RORB: variants seen among roughly 807,000 people sequenced by gnomAD.
RORB encodes RAR related orphan receptor B.
In RORB, 6 loss-of-function variants were observed where a neutral mutation model predicts 59.1. That is an observed-to-expected ratio of 0.10 (90% confidence interval 0.06 to 0.20). The LOEUF is 0.20. Ranked by LOEUF, RORB falls within the 10% of genes least tolerant of loss-of-function variation. RORB has a pLI of 1.00. For missense variants in RORB, 320 were observed against 560.5 expected (o/e 0.57, Z 4.33); for synonymous variants, 215 against 204.5 (o/e 1.05, Z -0.44).
rs1186298908 is a variant in RORB, at chr9:74,571,797, C to T, written c.8-58485C>T. On this transcript the variant is annotated intron_variant, in intron 1 of 9. Transcript: ENST00000376896. ...CAGATGTTAAATATAGCCCTGTTCT[C>T]GTAGAGGAAAGGCAAGGTTGCAAGG... 3.9e-5 allele frequency among the ~76,000 whole-genome samples: 6 copies of T among 152,066 alleles called. No individual in the cohort carries two copies. The East Asian group carries it at 1.2e-3, about 29-fold the overall frequency.
At chr9:74,505,372 TCA>T (rs1825856595) in intron 1 of RORB, among the ~76,000 whole-genome samples, 1 of 152,092 alleles carries the variant, frequency 6.6e-6, no homozygotes, top group African/African-American at 2.4e-5. Flanking sequence ...CCAAAATATT[TCA>T]GTTTTAATTT....
chr9:74,584,934 G>A (rs1338164247), intron 1 of RORB, among the ~76,000 whole-genome samples: 2 of 152,114 alleles, frequency 1.3e-5, no homozygotes, highest in South Asian at 2.1e-4. Flanking sequence ...ACAAAACAAC[G>A]ATGCAAAAAC....
intron 9 of RORB, among the ~76,000 whole-genome samples, chr9:74,677,285 T>C (rs991457772): frequency 1.3e-5 from 2 of 152,166 alleles, no homozygotes; most frequent in Non-Finnish European, 2.9e-5. Flanking sequence ...ACTTCTGACC[T>C]ACTATACCGT....
At position 74,607,643 on chromosome 9, in the gene RORB, A is replaced by G. The variant is rs559147272; in HGVS notation, c.8-22639A>G. The stretch of plus-strand genomic sequence containing the variant: ...ACATAAGTGTATTCATAAGTACATA[A>G]GTATATCTATATACATATATACATG... On this transcript the variant is annotated intron_variant, in intron 1 of 9. Coordinates refer to ENST00000376896, the MANE Select transcript of RORB (RefSeq NM_006914.4). Among the ~76,000 whole-genome samples, 5 of 152,140 alleles carry G rather than the reference A, an allele frequency of 3.3e-5. No homozygotes were observed. In the South Asian group the frequency reaches 8.3e-4, roughly 25 times the overall value.
intron 1 of RORB, among the ~76,000 whole-genome samples, chr9:74,609,256 G>C (rs1225145482): frequency 2.0e-5 from 3 of 152,140 alleles, no homozygotes; most frequent in Non-Finnish European, 4.4e-5. Flanking sequence ...GTTCTGAGGG[G>C]CTGTAACTTC....
chr9:74,505,520 A>G (rs1825858739), intron 1 of RORB, among the ~76,000 whole-genome samples: 1 of 152,110 alleles, frequency 6.6e-6, no homozygotes, highest in Admixed American at 6.6e-5. Context: ...GCTGAACCCC[A>G]GGGATGCTCA....
chr9:74,539,533 T>C (rs1276337071), intron 1 of RORB, among the ~76,000 whole-genome samples: 1 of 152,126 alleles, frequency 6.6e-6, no homozygotes, highest in Non-Finnish European at 1.5e-5. Flanking sequence ...CAGGCCACAT[T>C]CGAGACACTG....
In RORB at chr9:74,662,486, C is replaced by T; in HGVS notation, c.772C>T (p.Leu258=). The change falls in exon 6 of 10, where the codon CTG becomes TTG. Residue 258 remains leucine, a synonymous_variant. Coordinates refer to ENST00000376896, the MANE Select transcript of RORB (RefSeq NM_006914.4). ...KAYQSKSREA[L]WQQCAIQITH... ...TTCTCTCCTCAAGTCCAGGGAAGCA[C>T]TGTGGCAACAATGTGCCATCCAGAT... 6.2e-7 allele frequency: 1 copy of T among 1,614,084 alleles called. No individual in the cohort carries two copies. The highest frequency in any genetic ancestry group is 2.2e-5 in the East Asian group (1 of 44,880).
intron 1 of RORB, among the ~76,000 whole-genome samples, chr9:74,599,368 G>T (rs888186404): frequency 3.3e-5 from 5 of 151,214 alleles, no homozygotes; most frequent in Non-Finnish European, 7.4e-5. Flanking sequence ...TGGCCTCTAA[G>T]GTCAAAAATA....
At chr9:74,591,029 T>A (rs1217549783) in intron 1 of RORB, among the ~76,000 whole-genome samples, 1 of 152,164 alleles carries the variant, frequency 6.6e-6, no homozygotes, top group Non-Finnish European at 1.5e-5. Context: ...TCTCCTGACC[T>A]CGTGATCCAC....
chr9:74,636,868 GA>G (rs745959208), intron 3 of RORB, among the ~76,000 whole-genome samples: 1 of 152,166 alleles, frequency 6.6e-6, no homozygotes, highest in Non-Finnish European at 1.5e-5. Context: ...ATCATACAGA[GA>G]AAGTTTGGTC....
At chr9:74,654,189 G>A (rs1012088876) in intron 4 of RORB, among the ~76,000 whole-genome samples, 1 of 152,044 alleles carries the variant, frequency 6.6e-6, no homozygotes, top group African/African-American at 2.4e-5. Flanking sequence ...CTATTTACTT[G>A]TATAAACCTT....
intron 1 of RORB, among the ~76,000 whole-genome samples, chr9:74,618,820 C>G (rs1823356315): frequency 6.6e-6 from 1 of 152,096 alleles, no homozygotes; most frequent in South Asian, 2.1e-4. Context: ...TTTGATTTGT[C>G]TGACTCCAAG....
At chr9:74,533,257 G>T (rs778858467) in intron 1 of RORB, among the ~76,000 whole-genome samples, 1 of 151,896 alleles carries the variant, frequency 6.6e-6, no homozygotes, top group African/African-American at 2.4e-5. Context: ...AGAGGATCCC[G>T]TCAGTGTCAA....
intron 9 of RORB, 104 bp downstream of exon 9, chr9:74,672,005 A>C: frequency 1.6e-6 from 1 of 613,708 alleles, no homozygotes. Context: ...ACAATTTCTG[A>C]AAGTTACCAA....
At chr9:74,566,252 T>C (rs1186858777) in intron 1 of RORB, among the ~76,000 whole-genome samples, 1 of 152,136 alleles carries the variant, frequency 6.6e-6, no homozygotes, top group African/African-American at 2.4e-5. Context: ...ATTCATTTTT[T>C]TCTGGCTCTA....
intron 1 of RORB, among the ~76,000 whole-genome samples, chr9:74,531,646 A>T (rs1354847739): frequency 6.6e-6 from 1 of 152,020 alleles, no homozygotes; most frequent in Non-Finnish European, 1.5e-5. Context: ...ATGACAATCA[A>T]GTTTTATTGT....
In RORB at chr9:74,691,863, G is replaced by T. The variant is rs1193460029; in HGVS notation, c.*6245G>T. On this transcript the variant is annotated 3_prime_UTR_variant, in exon 10 of 10. Transcript: ENST00000376896. ...ATATGACTGAGAAAGGGACAGGGCT[G>T]TCAATTAAATCTGCTCCAAAGAATT... is the stretch of plus-strand genomic sequence containing the variant. The T allele has an allele frequency of 6.6e-6, 1 of 152,076 alleles. No homozygotes were observed. Among genetic ancestry groups the T allele is most frequent in the Non-Finnish European group, 1.5e-5 (1 of 68,024 alleles). The allele number at this position is 152,076 out of a possible 1,614,324, so 9.4% of individuals were successfully genotyped here.
At chr9:74,593,199 G>A (rs559026517) in intron 1 of RORB, among the ~76,000 whole-genome samples, 1 of 152,224 alleles carries the variant, frequency 6.6e-6, no homozygotes, top group Non-Finnish European at 1.5e-5. Flanking sequence ...GGGCGCGGTG[G>A]CACACACCTA....
Sources: allele counts gnomAD v4.1 joint callset (sites outside exome capture counted in the v4.1 genomes callset), GRCh38; gene constraint gnomAD v4.1.1; transcripts MANE v1.5; gene names NCBI Gene and HGNC (gene_info 2026-07-23, HGNC 2026-07-21).